The following MAGI3 variants were observed in gnomAD, a reference collection of about 807,000 sequenced individuals.
The protein encoded by MAGI3 is membrane associated guanylate kinase, WW and PDZ domain containing 3.
A neutral mutation model predicts 121.8 loss-of-function variants in MAGI3; 43 were observed. The observed-to-expected ratio is 0.35, with a 90% confidence interval of 0.28 to 0.46. MAGI3 has a LOEUF of 0.46. Ranked by LOEUF, MAGI3 falls within the 20% of genes least tolerant of loss-of-function variation. The pLI is 1.00. For missense variants in MAGI3, 1,547 were observed against 1,797.3 expected (o/e 0.86, Z 2.52); for synonymous variants, 553 against 639.3 (o/e 0.86, Z 2.04).
intron 1 of MAGI3, among the ~76,000 whole-genome samples, chr1:113,487,498 T>C (rs1209439481): frequency 6.6e-6 from 1 of 152,088 alleles, no homozygotes; most frequent in Non-Finnish European, 1.5e-5. Context: ...TAAAAATAAC[T>C]CCCACAAGCT....
intron 1 of MAGI3, among the ~76,000 whole-genome samples, chr1:113,424,502 A>G (rs937628441): frequency 6.6e-6 from 1 of 152,146 alleles, no homozygotes; most frequent in Non-Finnish European, 1.5e-5. Context: ...AGTAACCACT[A>G]ATCTGTTTTC....
rs1571005391 is a variant in MAGI3 at position 113,653,900 on chromosome 1, G to A, written c.2511G>A (p.Arg837=). Residue 837 remains arginine (R), a synonymous_variant, in exon 15 of 21, where the codon CGG becomes CGA. Coordinates refer to ENST00000307546, the MANE Select transcript of MAGI3 (RefSeq NM_001142782.2). ...AGAATGGATCTCCCCGCCTGAACCG[G>A]GCAGAGGTCCCAGCCAGGCCTGCAC... ...STQNGSPRLN[R]AEVPARPAPQ... is the part of the protein sequence containing the mutation. 1 of 1,613,974 alleles carries A rather than the reference G, an allele frequency of 6.2e-7. No homozygotes were observed. Among genetic ancestry groups the A allele is most frequent in the Non-Finnish European group, 8.5e-7 (1 of 1,179,964 alleles).
At chr1:113,474,574 G>C (rs1348772544) in intron 1 of MAGI3, among the ~76,000 whole-genome samples, 1 of 152,070 alleles carries the variant, frequency 6.6e-6, no homozygotes, top group Admixed American at 6.6e-5. Context: ...CGATGGTTGC[G>C]GATGTGTGGT....
At chr1:113,474,613 A>C (rs145079213) in intron 1 of MAGI3, among the ~76,000 whole-genome samples, 3,472 of 152,120 alleles carry the variant, frequency 0.023, 47 homozygotes, top group Middle Eastern at 0.058. Context: ...GTTCTGTTCC[A>C]TTGGTCTATA....
intron 1 of MAGI3, among the ~76,000 whole-genome samples, chr1:113,432,958 C>T (rs1398416209): frequency 6.6e-6 from 1 of 152,134 alleles, no homozygotes; most frequent in Non-Finnish European, 1.5e-5. Flanking sequence ...CAAGGCAGAT[C>T]ACTTGAGGCC....
intron 1 of MAGI3, among the ~76,000 whole-genome samples, chr1:113,494,746 T>C (rs536227317): frequency 6.6e-6 from 1 of 152,332 alleles, no homozygotes; most frequent in East Asian, 1.9e-4. Flanking sequence ...CTGTTGTAGT[T>C]AGGGCTCTTT....
At chr1:113,522,963 T>G (rs1170168678) in intron 1 of MAGI3, among the ~76,000 whole-genome samples, 1 of 152,238 alleles carries the variant, frequency 6.6e-6, no homozygotes, top group Non-Finnish European at 1.5e-5. Context: ...CAGCAAAATC[T>G]CATCTTGAAA....
intron 2 of MAGI3, among the ~76,000 whole-genome samples, chr1:113,555,129 C>T (rs752301244): frequency 1.3e-5 from 2 of 148,284 alleles, no homozygotes; most frequent in Non-Finnish European, 3.0e-5. Context: ...AAAAAAAAAA[C>T]GCCAACCTGG....
chr1:113,408,795 A>G (rs1177194212), intron 1 of MAGI3, among the ~76,000 whole-genome samples: 2 of 152,240 alleles, frequency 1.3e-5, no homozygotes, highest in Middle Eastern at 3.4e-3. Context: ...ATACTCAGTT[A>G]CAGCCAAAGT....
At chr1:113,598,228 C>G (rs535739608) in intron 6 of MAGI3, among the ~76,000 whole-genome samples, 6 of 151,212 alleles carry the variant, frequency 4.0e-5, no homozygotes, top group East Asian at 3.9e-4. Context: ...CCCCACCCCC[C>G]CTCCAAAAAA....
Position 113,653,921 on chromosome 1 carries a change from T to C in MAGI3, c.2532T>C (p.Pro844=), listed in dbSNP as rs1171647048. Residue 844 remains proline, a synonymous_variant, in exon 15 of 21, where the codon CCT becomes CCC. Transcript: ENST00000307546. ...RLNRAEVPAR[P]APQEPYDVVL... Reference sequence around the variant, plus strand: ...ACCGGGCAGAGGTCCCAGCCAGGCCTGCACCCCAGGAGCCCTATGATGTTG... The same window carrying C: ...ACCGGGCAGAGGTCCCAGCCAGGCCCGCACCCCAGGAGCCCTATGATGTTG... 1 of 1,614,110 alleles carries C rather than the reference T, an allele frequency of 6.2e-7. No individual in the cohort carries two copies.
intron 11 of MAGI3, 43 bp from the exon 12 acceptor site, chr1:113,646,443 C>T: frequency 6.7e-7 from 1 of 1,502,800 alleles, no homozygotes; most frequent in Non-Finnish European, 9.0e-7. Flanking sequence ...AATCAACCAT[C>T]TGCTTTTTAA....
At chr1:113,632,076 T>G (rs766884082) in intron 9 of MAGI3, among the ~76,000 whole-genome samples, 2 of 152,222 alleles carry the variant, frequency 1.3e-5, no homozygotes, top group Non-Finnish European at 2.9e-5. Flanking sequence ...GATGGTTGAA[T>G]TGTCATAGTA....
chr1:113,674,547 A>G (rs545133680), intron 19 of MAGI3, among the ~76,000 whole-genome samples: 1 of 151,864 alleles, frequency 6.6e-6, no homozygotes, highest in Non-Finnish European at 1.5e-5. Flanking sequence ...TTTCCCTGCC[A>G]CCAGTAGGCA....
rs534853362 is a variant in MAGI3 at position 113,646,588 on chromosome 1, A to C, written c.2101A>C (p.Lys701Gln). The C allele has an allele frequency of 6.2e-7, 1 of 1,613,382 alleles. No individual in the cohort carries two copies. The highest frequency in any genetic ancestry group is 1.3e-5 in the African/African-American group (1 of 75,026). The change falls in exon 12 of 21, where the codon AAA becomes CAA. Residue 701 changes from lysine (K) to glutamine (Q), a missense_variant. Coordinates refer to ENST00000307546, the MANE Select transcript of MAGI3 (RefSeq NM_001142782.2). ...PPSIIRSGSP[K>Q]LDPSEVYLKS... is the part of the protein sequence containing the mutation. Reference sequence around the variant, plus strand: ...GAGCATTATCAGGTCAGGATCCCCAAAATTGGATCCTTCTGAGGTCTACCT... The same window carrying C: ...GAGCATTATCAGGTCAGGATCCCCACAATTGGATCCTTCTGAGGTCTACCT...
chr1:113,427,854 A>G (rs984301173), intron 1 of MAGI3, among the ~76,000 whole-genome samples: 4 of 152,212 alleles, frequency 2.6e-5, no homozygotes, highest in Non-Finnish European at 2.9e-5. Flanking sequence ...ATACATGTAT[A>G]TAACTATTTT....
chr1:113,559,554 A>G (rs1470682314), intron 2 of MAGI3, among the ~76,000 whole-genome samples: 1 of 151,892 alleles, frequency 6.6e-6, no homozygotes, highest in East Asian at 1.9e-4. Context: ...GAGCACCCAG[A>G]TTCATAAAGT....
At chr1:113,594,679 G>A (rs1487769717) in intron 6 of MAGI3, 119 bp downstream of exon 6, 1 of 610,244 alleles carries the variant, frequency 1.6e-6, no homozygotes, top group Admixed American at 3.4e-5. Context: ...AAGCAAAAAA[G>A]CAGTGGGTGG....
In MAGI3 at chr1:113,429,914, G is replaced by C. The variant is rs532699812; in HGVS notation, c.316+38565G>C. 7.3e-4 allele frequency among the ~76,000 whole-genome samples: 111 copies of C among 152,156 alleles called. 1 individual carries two copies. The highest frequency in any genetic ancestry group is 2.1e-3 in the South Asian group (10 of 4,818). On this transcript the variant is annotated intron_variant, in intron 1 of 20. Transcript: ENST00000307546. ...CCTATTCTCCTGCCTCACCATAAAG[G>C]CTGGATAGTTGACTTGGTTCTTTTC...
Sources: gnomAD v4.1 joint callset for allele counts (sites outside exome capture counted in the v4.1 genomes callset) on GRCh38, gnomAD v4.1.1 for gene constraint, MANE v1.5 for transcripts, NCBI Gene and HGNC (gene_info 2026-07-23, HGNC 2026-07-21) for gene names.